Variants in ZNF680 observed in about 807,000 individuals in gnomAD.
ZNF680 encodes zinc finger protein 680, also known as hypothetical protein FLJ90430.
Under a neutral mutation model 12.1 loss-of-function variants are expected in ZNF680, and 6 were observed. That is an observed-to-expected ratio of 0.49 (90% CI 0.27 to 0.98). The LOEUF (loss-of-function observed/expected upper bound fraction) is 0.98, where lower values mean the gene tolerates loss of function less well. ZNF680 is among the 50% of genes least tolerant of loss of function. The pLI, the probability that ZNF680 is intolerant of heterozygous loss-of-function variation, is 0.12. For missense variants in ZNF680, 561 were observed against 616.3 expected, an observed-to-expected ratio of 0.91 and a Z score of 0.95; for synonymous variants, 170 against 199.3, an observed-to-expected ratio of 0.85 and a Z score of 1.24.
chr7:64,513,650 ATT>A, the ZNF680 span, among the ~76,000 whole-genome samples: 12 of 148,422 alleles, frequency 8.1e-5, no homozygotes, highest in South Asian at 2.1e-4. Flanking sequence ...TTAATTAAAA[ATT>A]TTTTTTTTTT....
chr7:64,545,051 G>A (rs913429937), intron 1 of ZNF680, among the ~76,000 whole-genome samples: 2 of 151,934 alleles, frequency 1.3e-5, no homozygotes, highest in Non-Finnish European at 2.9e-5. Context: ...CTGAGGTCAC[G>A]AGTTCGAAAT....
intron 3 of ZNF680, among the ~76,000 whole-genome samples, chr7:64,535,448 CAGAG>C (rs1414595168): frequency 1.4e-5 from 2 of 143,146 alleles, no homozygotes; most frequent in Non-Finnish European, 3.1e-5. Context: ...GAGAGAGAGA[CAGAG>C]AGAGAGAAAG....
At chr7:64,517,204 CAAGATT>C (rs1294562489), downstream of ZNF680, among the ~76,000 whole-genome samples, 1 of 151,520 alleles carries the variant, frequency 6.6e-6, no homozygotes, top group Non-Finnish European at 1.5e-5. Context: ...GGACCATTAG[CAAGATT>C]AAGAAAAAAA....
chr7:64,504,055 T>C, the ZNF680 span, among the ~76,000 whole-genome samples: 1 of 152,198 alleles, frequency 6.6e-6, no homozygotes, highest in Non-Finnish European at 1.5e-5. Flanking sequence ...ATAGCAAATA[T>C]ACAGCAGAAA....
chr7:64,508,945 C>T, the ZNF680 span, among the ~76,000 whole-genome samples: 1 of 152,112 alleles, frequency 6.6e-6, no homozygotes, highest in Non-Finnish European at 1.5e-5. Flanking sequence ...TTTGGGATTT[C>T]AGTCTAAATT....
At chr7:64,528,794 C>T (rs1310408653) in intron 3 of ZNF680, among the ~76,000 whole-genome samples, 1 of 152,140 alleles carries the variant, frequency 6.6e-6, no homozygotes, top group Non-Finnish European at 1.5e-5. Flanking sequence ...AGGCCCCACC[C>T]ACTGGGTTCC....
At chr7:64,510,023 T>TAAAA in the ZNF680 span, among the ~76,000 whole-genome samples, 18 of 105,896 alleles carry the variant, frequency 1.7e-4, no homozygotes, top group African/African-American at 6.1e-4. Flanking sequence ...CGTAAAACTC[T>TAAAA]AAAAAAAAAA....
chr7:64,499,829 C>A, the ZNF680 span, among the ~76,000 whole-genome samples: 1 of 152,162 alleles, frequency 6.6e-6, no homozygotes. Context: ...CAATCTTCAC[C>A]CTCATACAAT....
chr7:64,549,374 C>T (rs1371149082), intron 1 of ZNF680, among the ~76,000 whole-genome samples: 1 of 152,186 alleles, frequency 6.6e-6, no homozygotes, highest in East Asian at 1.9e-4. Context: ...TCTCACATAA[C>T]TGTAGCAGGT....
chr7:64,555,556 A>G (rs1237368175), intron 1 of ZNF680, among the ~76,000 whole-genome samples: 2 of 152,086 alleles, frequency 1.3e-5, no homozygotes, highest in Non-Finnish European at 2.9e-5. Flanking sequence ...CAAAAGTTAC[A>G]AAGATCTCAA....
Position 64,522,474 on chromosome 7 carries a change from G to A in ZNF680, c.280C>T (p.Leu94Phe). The change falls in exon 4 of 4, where the codon CTT becomes TTT. Residue 94 changes from leucine to phenylalanine, a missense_variant. By Grantham distance (22) the Leu-to-Phe change is conservative (BLOSUM62 0). Coordinates refer to ENST00000309683, the MANE Select transcript of ZNF680 (RefSeq NM_178558.5). ...PVIYSHFTED[L>F]WPEHSIKDSF... Reference sequence around the variant, plus strand: ...TCTTTTATGCTATGCTCTGGCCAAAGGTCTTCAGTGAAATGAGAATATATA... The same window carrying A: ...TCTTTTATGCTATGCTCTGGCCAAAAGTCTTCAGTGAAATGAGAATATATA... 6 of 1,529,500 alleles carry A rather than the reference G, an allele frequency of 3.9e-6. No individual in the cohort carries two copies. The highest frequency in any genetic ancestry group is 4.4e-6 in the Non-Finnish European group (5 of 1,139,636). The allele number at this position is 1,529,500 out of a possible 1,614,324, so 94.7% of individuals were successfully genotyped here.
intron 1 of ZNF680, among the ~76,000 whole-genome samples, chr7:64,557,037 C>T (rs112454355): frequency 0.067 from 10,202 of 151,978 alleles, 493 homozygotes; most frequent in Admixed American, 0.1. Context: ...GATCACGAGG[C>T]CAGGAGATTG....
At chr7:64,524,728 C>G (rs558642357) in intron 3 of ZNF680, 1 of 152,234 alleles carries the variant, frequency 6.6e-6, no homozygotes, top group African/African-American at 2.4e-5. Context: ...GATAAACAGC[C>G]TTCTCAATAC....
intron 3 of ZNF680, among the ~76,000 whole-genome samples, chr7:64,543,071 C>G (rs868026456): frequency 6.6e-5 from 10 of 151,254 alleles, no homozygotes; most frequent in Middle Eastern, 6.9e-3. Flanking sequence ...GCCATATTAT[C>G]CAAAATAATC....
intron 3 of ZNF680, among the ~76,000 whole-genome samples, chr7:64,532,338 A>G (rs991562708): frequency 6.6e-6 from 1 of 152,082 alleles, no homozygotes; most frequent in Non-Finnish European, 1.5e-5. Context: ...AGAAAATCTA[A>G]ATAACCTCAA....
intron 2 of ZNF680, 144 bp from the exon 3 acceptor site, chr7:64,543,946 T>C: frequency 1.3e-6 from 1 of 751,086 alleles, no homozygotes; most frequent in Non-Finnish European, 2.1e-6. Context: ...TTTCTAAATA[T>C]TTAGAAAATA....
intron 3 of ZNF680, among the ~76,000 whole-genome samples, chr7:64,527,597 A>G (rs934521565): frequency 2.6e-5 from 4 of 151,228 alleles, no homozygotes; most frequent in African/African-American, 9.7e-5. Context: ...AGGGCAGCTG[A>G]GGCAGGAGAA....
At chr7:64,501,163 T>G in the ZNF680 span, 1 of 873,400 alleles carries the variant, frequency 1.1e-6, no homozygotes, top group Non-Finnish European at 1.9e-6. Flanking sequence ...CCCTTCTCCA[T>G]CGCCTCTATT....
chr7:64,513,419 ATAT>A, the ZNF680 span, among the ~76,000 whole-genome samples: 1 of 152,068 alleles, frequency 6.6e-6, no homozygotes. Flanking sequence ...ATTCAAAAGG[ATAT>A]TATATAGTTT....
Sources: allele counts gnomAD v4.1 joint callset (sites outside exome capture counted in the v4.1 genomes callset), GRCh38; gene constraint gnomAD v4.1.1; transcripts MANE v1.5; gene names NCBI Gene and HGNC (gene_info 2026-07-23, HGNC 2026-07-21).